UBE3A: variants seen among roughly 807,000 people sequenced by gnomAD.
UBE3A encodes ubiquitin protein ligase E3A, also known as ubiquitin-protein ligase E3A.
UBE3A carries 6 observed loss-of-function variants against 83.4 expected under a neutral mutation model. The observed-to-expected ratio is 0.07, with a 90% CI of 0.04 to 0.14. The LOEUF (loss-of-function observed/expected upper bound fraction) is 0.14. UBE3A is among the 10% of genes least tolerant of loss of function. The pLI, the probability that UBE3A is intolerant of heterozygous loss-of-function variation, is 1.00. For missense variants in UBE3A, 456 were observed against 1,036.1 expected, an observed-to-expected ratio of 0.44 and a Z score of 7.69; for synonymous variants, 337 against 355.4, an observed-to-expected ratio of 0.95 and a Z score of 0.58.
At chr15:25,398,770 TTTATA>T (rs2086215552) in intron 4 of UBE3A, among the ~76,000 whole-genome samples, 5 of 83,622 alleles carry the variant, frequency 6.0e-5, no homozygotes, top group African/African-American at 1.9e-4. Flanking sequence ...TATTCTTTTA[TTTATA>T]TATATATATA....
intron 1 of UBE3A, among the ~76,000 whole-genome samples, chr15:25,430,059 A>ATATAT (rs1892712731): frequency 9.5e-6 from 1 of 105,006 alleles, no homozygotes; most frequent in African/African-American, 4.6e-5. Flanking sequence ...ATTTATATGT[A>ATATAT]TTATATATAT....
chr15:25,422,374 A>G (rs1236677002), intron 1 of UBE3A, among the ~76,000 whole-genome samples: 2 of 152,200 alleles, frequency 1.3e-5, no homozygotes, highest in Non-Finnish European at 1.5e-5. Flanking sequence ...AAAATCAATA[A>G]AACTATATAG....
chr15:25,377,397 A>G (rs1595879337), intron 4 of UBE3A, among the ~76,000 whole-genome samples: 1 of 152,250 alleles, frequency 6.6e-6, no homozygotes, highest in East Asian at 1.9e-4. Context: ...AAATTGCATA[A>G]ACATGACTTA....
At chr15:25,432,059 C>CA (rs1596508545) in intron 1 of UBE3A, among the ~76,000 whole-genome samples, 1 of 151,984 alleles carries the variant, frequency 6.6e-6, no homozygotes, top group Non-Finnish European at 1.5e-5. Flanking sequence ...TGTTAAGAGA[C>CA]AAAAAAGTAT....
chr15:25,340,012 A>C (rs2074472913), intron 12 of UBE3A, 73 bp downstream of exon 12: 1 of 1,574,238 alleles, frequency 6.4e-7, no homozygotes, highest in Non-Finnish European at 8.7e-7. Context: ...AACTATAAAG[A>C]CAGTTCATAT....
At chr15:25,339,935 C>CAAAGT in intron 12 of UBE3A, 150 bp downstream of exon 12, 2 of 1,080,588 alleles carry the variant, frequency 1.9e-6, no homozygotes, top group South Asian at 1.4e-5. Flanking sequence ...ACAATGACAG[C>CAAAGT]AAAGTATTTT....
At chr15:25,389,707 G>C (rs2083893942) in intron 4 of UBE3A, among the ~76,000 whole-genome samples, 1 of 152,170 alleles carries the variant, frequency 6.6e-6, no homozygotes, top group Non-Finnish European at 1.5e-5. Context: ...GGCTAACATA[G>C]TGAAACCCCG....
At chr15:25,416,756 C>T (rs1199237455) in intron 1 of UBE3A, among the ~76,000 whole-genome samples, 1 of 152,062 alleles carries the variant, frequency 6.6e-6, no homozygotes, top group African/African-American at 2.4e-5. Flanking sequence ...GACAGTTGCT[C>T]CTTCTCAAAC....
rs553954185 is a variant in UBE3A, at chr15:25,380,963, G to T, written c.63-5200C>A. 1.2e-3 allele frequency among the ~76,000 whole-genome samples: 181 copies of T among 152,278 alleles called. 3 individuals are homozygous for T. The highest frequency in any genetic ancestry group is 8.7e-4 in the Non-Finnish European group (59 of 68,024). On this transcript the variant is annotated intron_variant, in intron 4 of 12. Transcript: ENST00000648336. ...TAATGGGACAGTGCTACAAACAGAAGTCCTATGGAATAAGTCATACTTGGA... is the reference window on the plus strand; with the variant it reads ...TAATGGGACAGTGCTACAAACAGAATTCCTATGGAATAAGTCATACTTGGA...
At chr15:25,356,960 C>A in intron 7 of UBE3A, 64 bp from the exon 8 acceptor site, 1 of 1,314,196 alleles carries the variant, frequency 7.6e-7, no homozygotes, top group Non-Finnish European at 1.1e-6. Flanking sequence ...ATGAATAATA[C>A]AAATATAAAC....
At chr15:25,401,218 C>T (rs1489572074) in intron 4 of UBE3A, among the ~76,000 whole-genome samples, 1 of 152,092 alleles carries the variant, frequency 6.6e-6, no homozygotes, top group African/African-American at 2.4e-5. Flanking sequence ...TTATTATTTT[C>T]TTCAGAATTT....
At chr15:25,398,786 T>G (rs12593243) in intron 4 of UBE3A, among the ~76,000 whole-genome samples, 1 of 37,768 alleles carries the variant, frequency 2.6e-5, no homozygotes, top group African/African-American at 9.5e-5. Flanking sequence ...TATATATATA[T>G]ATATATATAT....
At chr15:25,391,374 T>C (rs2084346843) in intron 4 of UBE3A, among the ~76,000 whole-genome samples, 1 of 152,230 alleles carries the variant, frequency 6.6e-6, no homozygotes, top group African/African-American at 2.4e-5. Context: ...TCAATGAATG[T>C]AGAGTTTCTG....
At chr15:25,416,735 C>T (rs935537384) in intron 1 of UBE3A, among the ~76,000 whole-genome samples, 3 of 151,770 alleles carry the variant, frequency 2.0e-5, no homozygotes, top group Non-Finnish European at 4.4e-5. Context: ...GAGAAAGATC[C>T]GAAAGTATCT....
chr15:25,425,270 G>T (rs1032808838), intron 1 of UBE3A, among the ~76,000 whole-genome samples: 1 of 152,112 alleles, frequency 6.6e-6, no homozygotes. Flanking sequence ...TAAATTCATA[G>T]AGACAAAGCA....
intron 11 of UBE3A, chr15:25,347,073 G>C (rs2283428): frequency 6.6e-6 from 1 of 152,102 alleles, no homozygotes; most frequent in Non-Finnish European, 1.5e-5. Context: ...AAAACAAAAA[G>C]AATTTCTCAC....
At chr15:25,352,614 CA>C (rs1490470099) in intron 11 of UBE3A, among the ~76,000 whole-genome samples, 3 of 152,046 alleles carry the variant, frequency 2.0e-5, no homozygotes, top group Admixed American at 6.6e-5. Flanking sequence ...GGGTTGCCAC[CA>C]AAAAAACTCA....
At chr15:25,385,477 CT>C (rs1163212445) in intron 4 of UBE3A, among the ~76,000 whole-genome samples, 2 of 151,870 alleles carry the variant, frequency 1.3e-5, no homozygotes, top group African/African-American at 4.8e-5. Context: ...AACTGGAACC[CT>C]TATGCACCAC....
intron 4 of UBE3A, among the ~76,000 whole-genome samples, chr15:25,380,981 T>C (rs1440927054): frequency 1.3e-5 from 2 of 152,214 alleles, no homozygotes; most frequent in Non-Finnish European, 2.9e-5. Flanking sequence ...GAATAAGTCA[T>C]ACTTGGAAGA....
Sources: gnomAD v4.1 joint callset for allele counts (sites outside exome capture counted in the v4.1 genomes callset) on GRCh38, gnomAD v4.1.1 for gene constraint, MANE v1.5 for transcripts, NCBI Gene and HGNC (gene_info 2026-07-23, HGNC 2026-07-21) for gene names.